SLC25A37: variants seen among roughly 807,000 people sequenced by gnomAD.
The protein encoded by SLC25A37 is solute carrier family 25 member 37, also known as mitoferrin-1.
SLC25A37 carries 17 observed loss-of-function variants against 31.0 expected under a neutral mutation model. That is an observed-to-expected ratio of 0.55 (90% CI 0.38 to 0.82). The LOEUF (loss-of-function observed/expected upper bound fraction) is 0.82, where lower values mean the gene tolerates loss of function less well. Ranked by LOEUF, SLC25A37 falls within the 40% of genes least tolerant of loss-of-function variation. SLC25A37 has a pLI of 0.00. For synonymous variants in SLC25A37, 222 were observed against 193.0 expected (o/e 1.15, Z -1.24); for missense variants, 404 against 465.8 (o/e 0.87, Z 1.22).
intron 1 of SLC25A37, among the ~76,000 whole-genome samples, chr8:23,534,803 G>A (rs541908885): frequency 1.3e-5 from 2 of 152,310 alleles, no homozygotes; most frequent in South Asian, 4.1e-4. Flanking sequence ...CACATGCCTG[G>A]TACACGCACA....
rs540469897 is a variant in SLC25A37 at position 23,571,387 on chromosome 8, C to T, written c.549C>T (p.Ser183=). ...ACTCGCAGCACCGGTCAGCAATCAG[C>T]TGCATCCGGACGGTGTGGAGGACCG... ...MYNSQHRSAI[S]CIRTVWRTEG... The change falls in exon 4 of 4, where the codon AGC becomes AGT. Residue 183 remains serine (S), a synonymous_variant. Transcript: ENST00000519973. 3 of 1,612,194 alleles carry T rather than the reference C, an allele frequency of 1.9e-6. No homozygotes were observed. Among genetic ancestry groups the T allele is most frequent in the Admixed American group, 1.7e-5 (1 of 59,810 alleles).
In SLC25A37 at chr8:23,573,717, ACTGGGTACCTCC is replaced by A. The variant is rs1351186200; in HGVS notation, c.*1864_*1875del. On this transcript the variant is annotated 3_prime_UTR_variant, in exon 4 of 4. Coordinates refer to ENST00000519973, the MANE Select transcript of SLC25A37 (RefSeq NM_016612.4). ...CAGATCAGGGATGGGAAAGAGCCAA[ACTGGGTACCTCC>A]CACGTGTGCCCCGTGAACAGCCCTT... 1 of 440,006 alleles carries A rather than the reference ACTGGGTACCTCC, an allele frequency of 2.3e-6. No individual in the cohort carries two copies. Among genetic ancestry groups the A allele is most frequent in the South Asian group, 1.6e-5 (1 of 63,834 alleles). 27.3% of individuals were successfully genotyped at this position (440,006 alleles called of 1,614,324 possible).
At chr8:23,539,526 G>T (rs1368419766) in intron 1 of SLC25A37, among the ~76,000 whole-genome samples, 2 of 152,346 alleles carry the variant, frequency 1.3e-5, no homozygotes, top group East Asian at 1.9e-4. Context: ...GACTTATGCT[G>T]GTGTTGAGGC....
At chr8:23,543,363 C>T (rs1336771600) in intron 1 of SLC25A37, among the ~76,000 whole-genome samples, 1 of 152,096 alleles carries the variant, frequency 6.6e-6, no homozygotes, top group Non-Finnish European at 1.5e-5. Flanking sequence ...CCACGCCCAA[C>T]CTTGAAATTT....
At chr8:23,530,973 T>C (rs1340081692) in intron 1 of SLC25A37, among the ~76,000 whole-genome samples, 1 of 152,240 alleles carries the variant, frequency 6.6e-6, no homozygotes, top group Non-Finnish European at 1.5e-5. Flanking sequence ...GGTTCAGATG[T>C]CACCTGTATA....
At chr8:23,560,208 C>T (rs1212344486) in intron 1 of SLC25A37, among the ~76,000 whole-genome samples, 2 of 152,062 alleles carry the variant, frequency 1.3e-5, no homozygotes, top group Admixed American at 6.5e-5. Flanking sequence ...GCTCAGGCTG[C>T]AGTGAGCTAT....
At chr8:23,543,642 C>G (rs11135744) in intron 1 of SLC25A37, among the ~76,000 whole-genome samples, 40,196 of 151,992 alleles carry the variant, frequency 0.26, 6,091 homozygotes, top group African/African-American at 0.41. Flanking sequence ...TCATGCCATT[C>G]TCCTTCCCCA....
chr8:23,564,032 A>C (rs1802585080), intron 1 of SLC25A37, among the ~76,000 whole-genome samples: 1 of 152,192 alleles, frequency 6.6e-6, no homozygotes, highest in African/African-American at 2.4e-5. Context: ...CCATTTTATA[A>C]TCAGAGGTAG....
intron 1 of SLC25A37, among the ~76,000 whole-genome samples, chr8:23,535,200 G>C (rs1448477996): frequency 6.6e-6 from 1 of 152,186 alleles, no homozygotes; most frequent in Non-Finnish European, 1.5e-5. Context: ...CAGCCCATCT[G>C]TCCCTTGGGC....
rs190988485 is a variant in SLC25A37 at position 23,564,991 on chromosome 8, T to C, written c.211-1117T>C. Among the ~76,000 whole-genome samples the C allele has an allele frequency of 3.1e-3, 469 of 152,292 alleles. 4 individuals are homozygous for C. Among genetic ancestry groups the C allele is most frequent in the African/African-American group, 0.011 (450 of 41,564 alleles). ...GATTTACTTTGAGGATTGACCCACA[T>C]GATTGTGGGGACTAGCCAAGTCCAA... On this transcript the variant is annotated intron_variant, in intron 1 of 3. Transcript: ENST00000519973.
At chr8:23,544,491 C>T (rs1801983383) in intron 1 of SLC25A37, among the ~76,000 whole-genome samples, 1 of 152,170 alleles carries the variant, frequency 6.6e-6, no homozygotes, top group Admixed American at 6.5e-5. Context: ...TGACACAACC[C>T]AGGCATTCCC....
At chr8:23,563,561 A>G (rs1171480471) in intron 1 of SLC25A37, among the ~76,000 whole-genome samples, 1 of 152,272 alleles carries the variant, frequency 6.6e-6, no homozygotes, top group Middle Eastern at 3.4e-3. Flanking sequence ...TAAAAAACGA[A>G]AGGATGCAGG....
rs1490092055 is a variant in SLC25A37, at chr8:23,571,609, C to T, written c.771C>T (p.Val257=). Residue 257 remains valine, a synonymous_variant, in exon 4 of 4, where the codon GTC becomes GTT. Coordinates refer to ENST00000519973, the MANE Select transcript of SLC25A37 (RefSeq NM_016612.4). The part of the protein sequence containing the change: ...LAAAATTPLD[V]CKTLLNTQEN... Reference sequence around the variant, plus strand: ...CGGCCGCCACGACCCCCCTGGACGTCTGTAAGACCCTTCTGAACACTCAGG... The same window carrying T: ...CGGCCGCCACGACCCCCCTGGACGTTTGTAAGACCCTTCTGAACACTCAGG... The T allele has an allele frequency of 1.9e-6, 3 of 1,613,802 alleles. No individual in the cohort carries two copies. The highest frequency in any genetic ancestry group is 2.5e-6 in the Non-Finnish European group (3 of 1,179,874).
chr8:23,547,980 G>A (rs1397949857), intron 1 of SLC25A37, among the ~76,000 whole-genome samples: 1 of 152,104 alleles, frequency 6.6e-6, no homozygotes, highest in Non-Finnish European at 1.5e-5. Context: ...GGGTCAGCCG[G>A]CATGGCCAAG....
At chr8:23,567,940 G>A (rs951690539) in intron 2 of SLC25A37, 12 of 290,984 alleles carry the variant, frequency 4.1e-5, no homozygotes, top group Non-Finnish European at 7.5e-5. Context: ...CCAGCTTAAG[G>A]GCAAAGTGAG....
At position 23,571,644 on chromosome 8, in the gene SLC25A37, C is replaced by T. The variant is rs1585208126; in HGVS notation, c.806C>T (p.Ala269Val). The change falls in exon 4 of 4, where the codon GCC becomes GTC. Residue 269 changes from alanine to valine, a missense_variant. This residue lies in a region of SLC25A37 where 243 missense variants were observed against 284.4 expected (regional missense o/e 0.85). Coordinates refer to ENST00000519973, the MANE Select transcript of SLC25A37 (RefSeq NM_016612.4). ...KTLLNTQENV[A>V]LSLANISGRL... ...CTTCTGAACACTCAGGAGAACGTGG[C>T]CCTCTCGCTGGCCAACATCAGCGGC... 3.1e-6 allele frequency: 5 copies of T among 1,613,928 alleles called. No individual in the cohort carries two copies. Among genetic ancestry groups the T allele is most frequent in the Non-Finnish European group, 4.2e-6 (5 of 1,179,882 alleles).
chr8:23,539,061 C>T (rs369296665), intron 1 of SLC25A37, among the ~76,000 whole-genome samples: 1 of 152,202 alleles, frequency 6.6e-6, no homozygotes, highest in African/African-American at 2.4e-5. Flanking sequence ...ACATCCCCCA[C>T]CCTCCTCGTA....
chr8:23,555,455 G>A lies in SLC25A37; in HGVS notation c.211-10653G>A, dbSNP rs75991587. On this transcript the variant is annotated intron_variant, in intron 1 of 3. Transcript: ENST00000519973. ...TGCTGTGACCTATTCCAAGGAGAAG[G>A]GGGGTTTGGTGCTGGGGCTTCTCTC... 2.5e-3 allele frequency among the ~76,000 whole-genome samples: 388 copies of A among 152,250 alleles called. 13 individuals carry two copies. The East Asian group carries it at 0.068, about 27-fold the overall frequency.
At chr8:23,565,783 G>T (rs1016702237) in intron 1 of SLC25A37, among the ~76,000 whole-genome samples, 11 of 152,204 alleles carry the variant, frequency 7.2e-5, no homozygotes, top group African/African-American at 2.7e-4. Context: ...CAACAACCCT[G>T]TTGTTTTAAC....
Sources: gnomAD v4.1 joint callset for allele counts (sites outside exome capture counted in the v4.1 genomes callset) on GRCh38, gnomAD v4.1.1 for gene constraint, gnomAD v4.1.1 regional missense constraint, MANE v1.5 for transcripts, NCBI Gene and HGNC (gene_info 2026-07-23, HGNC 2026-07-21) for gene names.